The following KCND2 variants were observed in gnomAD, a reference collection of about 807,000 sequenced individuals.
KCND2 encodes the protein potassium voltage-gated channel subfamily D member 2, also known as A-type voltage-gated potassium channel KCND2.
KCND2 carries 16 observed loss-of-function variants against 54.4 expected under a neutral mutation model. The observed-to-expected ratio is 0.29, with a 90% CI of 0.20 to 0.45. The LOEUF (loss-of-function observed/expected upper bound fraction) is 0.45, where lower values mean the gene tolerates loss of function less well. KCND2 is among the 20% of genes least tolerant of loss of function. The pLI is 1.00. For synonymous variants in KCND2, 317 were observed against 310.7 expected (o/e 1.02, Z -0.21); for missense variants, 486 against 824.2 (o/e 0.59, Z 5.02).
chr7:120,278,523 C>T lies in KCND2; in HGVS notation c.1115+2776C>T, dbSNP rs1012448933. On this transcript the variant is annotated intron_variant, in intron 1 of 5. Coordinates refer to ENST00000331113, the MANE Select transcript of KCND2 (RefSeq NM_012281.3). ...TATTGAAAGTTCCATCTCGTATGAA[C>T]GTTATCTACATGAGAATAAATAACC... Among the ~76,000 whole-genome samples, 10 of 149,956 alleles carry T rather than the reference C, an allele frequency of 6.7e-5. 1 individual carries two copies. The highest frequency in any genetic ancestry group is 1.3e-4 in the Admixed American group (2 of 14,920).
chr7:120,419,625 ACAT>A (rs1801580067), intron 1 of KCND2, among the ~76,000 whole-genome samples: 2 of 152,074 alleles, frequency 1.3e-5, no homozygotes, highest in Admixed American at 1.3e-4. Flanking sequence ...ACATATATGT[ACAT>A]GTGTATATAT....
chr7:120,349,240 C>T (rs951566705), intron 1 of KCND2, among the ~76,000 whole-genome samples: 1 of 151,912 alleles, frequency 6.6e-6, no homozygotes, highest in Non-Finnish European at 1.5e-5. Flanking sequence ...AGATGGACAT[C>T]TGAAGTAGTG....
Position 120,331,977 on chromosome 7 carries a change from C to T in KCND2, c.1115+56230C>T, listed in dbSNP as rs147863800. On this transcript the variant is annotated intron_variant, in intron 1 of 5. Coordinates refer to ENST00000331113, the MANE Select transcript of KCND2 (RefSeq NM_012281.3). ...TCTCCTGTTCGACTTTCAATTTATT[C>T]ACTCCATTATCACCACCTCTTTGGA... Among the ~76,000 whole-genome samples, 19 of 152,122 alleles carry T rather than the reference C, an allele frequency of 1.2e-4. No homozygotes were observed. The East Asian group carries it at 3.7e-3, about 29-fold the overall frequency.
At chr7:120,346,554 A>G (rs748080568) in intron 1 of KCND2, among the ~76,000 whole-genome samples, 2 of 152,184 alleles carry the variant, frequency 1.3e-5, no homozygotes, top group Non-Finnish European at 2.9e-5. Flanking sequence ...AAACAAAGAC[A>G]TTTTAAATAA....
chr7:120,540,687 A>T lies in KCND2; in HGVS notation c.1116-192216A>T, dbSNP rs541305712. ...CCCAAGGAAGCTGCCTTCTAGAAGG[A>T]TTGCTGTGTCTACACAGGCAACTTC... On this transcript the variant is annotated intron_variant, in intron 1 of 5. Transcript: ENST00000331113. Among the ~76,000 whole-genome samples the T allele has an allele frequency of 2.0e-5, 3 of 152,278 alleles. No individual in the cohort carries two copies. The East Asian group carries it at 5.8e-4, about 29-fold the overall frequency.
chr7:120,543,910 A>G (rs909553796), intron 1 of KCND2, among the ~76,000 whole-genome samples: 4 of 151,954 alleles, frequency 2.6e-5, no homozygotes, highest in Non-Finnish European at 5.9e-5. Flanking sequence ...ATTATCTTCT[A>G]TGAATTTTTT....
intron 1 of KCND2, among the ~76,000 whole-genome samples, chr7:120,426,325 A>G (rs985484126): frequency 2.0e-5 from 3 of 152,182 alleles, no homozygotes; most frequent in Non-Finnish European, 4.4e-5. Flanking sequence ...ATTCCCATCT[A>G]TTAGAGATCA....
intron 1 of KCND2, among the ~76,000 whole-genome samples, chr7:120,655,888 A>G (rs533935230): frequency 1.3e-5 from 2 of 152,244 alleles, no homozygotes; most frequent in African/African-American, 4.8e-5. Flanking sequence ...GATTATGTAC[A>G]TCTATATTTC....
At chr7:120,347,757 C>CAA (rs796126641) in intron 1 of KCND2, among the ~76,000 whole-genome samples, 1 of 113,376 alleles carries the variant, frequency 8.8e-6, no homozygotes. Context: ...AACTCTGTCT[C>CAA]AAAAAAAAAA....
chr7:120,279,680 A>G (rs1195893962), intron 1 of KCND2, among the ~76,000 whole-genome samples: 1 of 151,902 alleles, frequency 6.6e-6, no homozygotes, highest in Non-Finnish European at 1.5e-5. Context: ...GCGTTTGGTG[A>G]ATTACTATTT....
intron 1 of KCND2, among the ~76,000 whole-genome samples, chr7:120,452,200 G>A (rs1208418361): frequency 1.3e-5 from 2 of 152,190 alleles, no homozygotes; most frequent in Non-Finnish European, 2.9e-5. Context: ...TTGGTATCAA[G>A]TAGCTCTGGA....
At chr7:120,396,456 G>A (rs924447144) in intron 1 of KCND2, among the ~76,000 whole-genome samples, 1 of 151,920 alleles carries the variant, frequency 6.6e-6, no homozygotes, top group African/African-American at 2.4e-5. Context: ...AGTTGTAATT[G>A]TTATATTTCG....
Position 120,685,292 on chromosome 7 carries a change from G to A in KCND2, c.1116-47611G>A, listed in dbSNP as rs555616336. ...CTTCCAGATTTGGTTGTTATTAACC[G>A]GACAGTTACCTAAGCACTAAGATCA... On this transcript the variant is annotated intron_variant, in intron 1 of 5. Coordinates refer to ENST00000331113, the MANE Select transcript of KCND2 (RefSeq NM_012281.3). 7.2e-5 allele frequency among the ~76,000 whole-genome samples: 11 copies of A among 152,216 alleles called. No individual in the cohort carries two copies. The East Asian group carries it at 1.9e-3, about 27-fold the overall frequency.
At chr7:120,539,267 A>G (rs1791950728) in intron 1 of KCND2, among the ~76,000 whole-genome samples, 1 of 152,318 alleles carries the variant, frequency 6.6e-6, no homozygotes, top group South Asian at 2.1e-4. Context: ...GTTGATTTGC[A>G]TACTGCCTTG....
rs2116010641 is a variant in KCND2, at chr7:120,375,287, T to C, written c.1115+99540T>C. Among the ~76,000 whole-genome samples, 4 of 151,932 alleles carry C rather than the reference T, an allele frequency of 2.6e-5. No individual in the cohort carries two copies. In the Admixed American group the frequency reaches 2.6e-4, roughly 10 times the overall value. ...CTACCTTTTCCCCCACAAAATACTATTAAAAATATCAGCGTATTAAAAAGT... is the reference window on the plus strand; with the variant it reads ...CTACCTTTTCCCCCACAAAATACTACTAAAAATATCAGCGTATTAAAAAGT... On this transcript the variant is annotated intron_variant, in intron 1 of 5. Transcript: ENST00000331113.
intron 1 of KCND2, among the ~76,000 whole-genome samples, chr7:120,584,913 A>C (rs975179050): frequency 6.6e-6 from 1 of 152,274 alleles, no homozygotes; most frequent in Non-Finnish European, 1.5e-5. Context: ...AAAATTCAAC[A>C]GTAGAAAAAG....
At chr7:120,364,965 C>G (rs1436237166) in intron 1 of KCND2, among the ~76,000 whole-genome samples, 1 of 151,766 alleles carries the variant, frequency 6.6e-6, no homozygotes, top group Non-Finnish European at 1.5e-5. Flanking sequence ...TTATAAGAAA[C>G]AAAATAGAAA....
In KCND2 at chr7:120,285,233, A is replaced by G. The variant is rs1238123866; in HGVS notation, c.1115+9486A>G. On this transcript the variant is annotated intron_variant, in intron 1 of 5. Transcript: ENST00000331113. ...CAATGCAGAATATTTTATTGTCTTC[A>G]GTTATGTGTTTAAATTCAAGGCTGA... 3.3e-5 allele frequency among the ~76,000 whole-genome samples: 5 copies of G among 152,172 alleles called. No individual in the cohort carries two copies. In the East Asian group the frequency reaches 9.6e-4, roughly 29 times the overall value.
At chr7:120,405,661 T>A (rs1485965773) in intron 1 of KCND2, among the ~76,000 whole-genome samples, 2 of 152,120 alleles carry the variant, frequency 1.3e-5, no homozygotes, top group African/African-American at 4.8e-5. Context: ...AATTTATAAC[T>A]ATAGATATCA....
Sources: gnomAD v4.1 joint callset for allele counts (sites outside exome capture counted in the v4.1 genomes callset) on GRCh38, gnomAD v4.1.1 for gene constraint, MANE v1.5 for transcripts, NCBI Gene and HGNC (gene_info 2026-07-23, HGNC 2026-07-21) for gene names.